The following HS6ST3 variants were observed in gnomAD, a reference collection of about 807,000 sequenced individuals.
HS6ST3 encodes heparan-sulfate 6-O-sulfotransferase 3.
A neutral mutation model predicts 36.7 loss-of-function variants in HS6ST3; 12 were observed. That is an observed-to-expected ratio of 0.33 (90% CI 0.21 to 0.53). HS6ST3 has a LOEUF of 0.53. Among genes scored for constraint, HS6ST3 ranks in the 20% least tolerant of loss-of-function variants. The pLI is 0.95. For missense variants in HS6ST3, 584 were observed against 640.9 expected, an observed-to-expected ratio of 0.91 and a Z score of 0.96; for synonymous variants, 240 against 257.5, an observed-to-expected ratio of 0.93 and a Z score of 0.65.
chr13:96,581,981 T>C (rs1174919882), intron 1 of HS6ST3, among the ~76,000 whole-genome samples: 1 of 152,146 alleles, frequency 6.6e-6, no homozygotes, highest in African/African-American at 2.4e-5. Flanking sequence ...CCTAAGCAAG[T>C]GAGGACTTGT....
chr13:96,268,771 T>C (rs1164819662), intron 1 of HS6ST3, among the ~76,000 whole-genome samples: 3 of 152,012 alleles, frequency 2.0e-5, no homozygotes, highest in Non-Finnish European at 4.4e-5. Flanking sequence ...TTTTGTATAT[T>C]ATATCTTGTA....
At chr13:96,436,843 A>G (rs574510184) in intron 1 of HS6ST3, among the ~76,000 whole-genome samples, 15 of 152,270 alleles carry the variant, frequency 9.9e-5, no homozygotes, top group African/African-American at 2.9e-4. Flanking sequence ...CACCCAGTCC[A>G]TGGTATTTTT....
At chr13:96,793,033 T>G (rs1877828835) in intron 1 of HS6ST3, among the ~76,000 whole-genome samples, 1 of 151,994 alleles carries the variant, frequency 6.6e-6, no homozygotes, top group Non-Finnish European at 1.5e-5. Flanking sequence ...GCTTTGTAAG[T>G]TAGAAGTATG....
chr13:96,709,430 A>G (rs1566435331), intron 1 of HS6ST3, among the ~76,000 whole-genome samples: 1 of 152,186 alleles, frequency 6.6e-6, no homozygotes, highest in African/African-American at 2.4e-5. Context: ...AGGCTTGCCC[A>G]ATAGTAAATG....
chr13:96,495,223 C>A (rs77260697), intron 1 of HS6ST3, among the ~76,000 whole-genome samples: 7 of 152,080 alleles, frequency 4.6e-5, no homozygotes, highest in Non-Finnish European at 7.4e-5. Context: ...AATTTGTTAA[C>A]GAAAAGAGAA....
At chr13:96,389,659 A>G (rs1341157106) in intron 1 of HS6ST3, among the ~76,000 whole-genome samples, 1 of 152,176 alleles carries the variant, frequency 6.6e-6, no homozygotes, top group Non-Finnish European at 1.5e-5. Context: ...ATATGAGTGT[A>G]TAATATATAA....
intron 1 of HS6ST3, among the ~76,000 whole-genome samples, chr13:96,435,486 C>T (rs1045452612): frequency 1.3e-5 from 2 of 152,194 alleles, no homozygotes; most frequent in African/African-American, 2.4e-5. Context: ...CCACTGGACA[C>T]TTAGGTGCTC....
Position 96,090,779 on chromosome 13 carries a change from A to C in HS6ST3, c.-84A>C. On this transcript the variant is annotated 5_prime_UTR_variant, in exon 1 of 2. Coordinates refer to ENST00000376705, the MANE Select transcript of HS6ST3 (RefSeq NM_153456.4). ...CGGCGGGCTCCGAGCCGCGCCCCGG[A>C]GTCCGCGAAACTTCCGAGCGGGCGC... 2.6e-6 allele frequency: 3 copies of C among 1,148,748 alleles called. No homozygotes were observed. Among genetic ancestry groups the C allele is most frequent in the Non-Finnish European group, 3.4e-6 (3 of 889,532 alleles). 71.2% of individuals were successfully genotyped at this position (1,148,748 alleles called of 1,614,324 possible). A position where few individuals can be genotyped will look rare whatever the true frequency, so the allele number is the denominator to read the frequency against.
intron 1 of HS6ST3, among the ~76,000 whole-genome samples, chr13:96,735,071 T>G (rs1326397679): frequency 6.6e-6 from 1 of 152,198 alleles, no homozygotes; most frequent in Non-Finnish European, 1.5e-5. Flanking sequence ...CATAGTATAT[T>G]AAGTTGACAA....
chr13:96,821,092 G>A (rs888381886), intron 1 of HS6ST3, among the ~76,000 whole-genome samples: 3 of 152,226 alleles, frequency 2.0e-5, no homozygotes, highest in Non-Finnish European at 4.4e-5. Flanking sequence ...CCTTCCTCAA[G>A]TGTAAATTTG....
intron 1 of HS6ST3, among the ~76,000 whole-genome samples, chr13:96,386,061 CA>C (rs2055366199): frequency 6.6e-6 from 1 of 151,916 alleles, no homozygotes; most frequent in African/African-American, 2.4e-5. Flanking sequence ...GAAATGAGGT[CA>C]TAAAAGAGGA....
At chr13:96,814,657 A>G (rs1213541405) in intron 1 of HS6ST3, among the ~76,000 whole-genome samples, 1 of 152,088 alleles carries the variant, frequency 6.6e-6, no homozygotes, top group African/African-American at 2.4e-5. Context: ...TTGGACATAC[A>G]GATTCCATCT....
chr13:96,393,253 A>G (rs889491022), intron 1 of HS6ST3, among the ~76,000 whole-genome samples: 3 of 152,174 alleles, frequency 2.0e-5, no homozygotes. Flanking sequence ...AGCAGCATGA[A>G]AAAAGACTAA....
chr13:96,793,392 C>A, intron 1 of HS6ST3, among the ~76,000 whole-genome samples: 1 of 152,038 alleles, frequency 6.6e-6, no homozygotes, highest in East Asian at 1.9e-4. Context: ...CTTTTGCTTG[C>A]CACAGAGGCT....
chr13:96,827,964 C>T (rs1431852609), intron 1 of HS6ST3, among the ~76,000 whole-genome samples: 2 of 152,184 alleles, frequency 1.3e-5, no homozygotes, highest in Admixed American at 6.5e-5. Flanking sequence ...TGATATTCAA[C>T]TACAGTAATA....
intron 1 of HS6ST3, among the ~76,000 whole-genome samples, chr13:96,498,051 G>T (rs746377310): frequency 6.6e-6 from 1 of 152,188 alleles, no homozygotes; most frequent in African/African-American, 2.4e-5. Context: ...AAGTCTGGAT[G>T]CTTTTACAGG....
intron 1 of HS6ST3, among the ~76,000 whole-genome samples, chr13:96,745,854 G>A (rs961863367): frequency 2.0e-5 from 3 of 151,942 alleles, no homozygotes; most frequent in East Asian, 1.9e-4. Context: ...TCTTGAACCC[G>A]CTTCTATCTT....
chr13:96,340,453 G>A (rs1409028352), intron 1 of HS6ST3, among the ~76,000 whole-genome samples: 8 of 152,258 alleles, frequency 5.3e-5, no homozygotes, highest in Non-Finnish European at 1.2e-4. Context: ...TAGGGTTGAT[G>A]TGAAGAGTAC....
intron 1 of HS6ST3, among the ~76,000 whole-genome samples, chr13:96,775,159 C>G (rs1279259435): frequency 6.6e-6 from 1 of 152,014 alleles, no homozygotes; most frequent in East Asian, 1.9e-4. Context: ...ACCAGGCATG[C>G]CTTATAAGAG....
Sources: allele counts gnomAD v4.1 joint callset (sites outside exome capture counted in the v4.1 genomes callset), GRCh38; gene constraint gnomAD v4.1.1; transcripts MANE v1.5; gene names NCBI Gene and HGNC (gene_info 2026-07-23, HGNC 2026-07-21).